The following UGT1A6 variants were observed in gnomAD, a reference collection of about 807,000 sequenced individuals.
UGT1A6 encodes the protein UDP glucuronosyltransferase family 1 member A6, also known as UDP-glucuronosyltransferase 1A6.
UGT1A6 carries 32 observed loss-of-function variants against 44.4 expected under a neutral mutation model. The ratio of observed to expected loss-of-function variants is 0.72; its 90% CI spans 0.54 to 0.97. The LOEUF (loss-of-function observed/expected upper bound fraction) is 0.97, where lower values mean the gene tolerates loss of function less well. UGT1A6 is among the 50% of genes least tolerant of loss of function. The pLI is 0.00. For missense variants in UGT1A6, 685 were observed against 661.9 expected (o/e 1.03, Z -0.38); for synonymous variants, 238 against 248.5 (o/e 0.96, Z 0.40).
chr2:233,748,006 A>T, intron 1 of UGT1A6: 1 of 1,613,448 alleles, frequency 6.2e-7, no homozygotes, highest in African/African-American at 1.3e-5. Context: ...GTGATGGATT[A>T]CCCCAGGCCG....
intron 1 of UGT1A6, chr2:233,742,068 T>A (rs185159129): frequency 2.0e-5 from 3 of 151,914 alleles, no homozygotes; most frequent in African/African-American, 7.3e-5. Context: ...TGTGGCCTTA[T>A]GGAGATCCTT....
intron 1 of UGT1A6, among the ~76,000 whole-genome samples, chr2:233,732,105 A>G (rs1386469627): frequency 6.6e-6 from 1 of 151,602 alleles, no homozygotes; most frequent in Admixed American, 6.6e-5. Flanking sequence ...GTCTGTTCAT[A>G]TCCTTTGCCC....
rs1162609742 is a variant in UGT1A6 at position 233,768,299 on chromosome 2, G to A, written c.1161G>A (p.Met387Ile). ...AAAGCATATGCAATGGCGTTCCCAT[G>A]GTGATGATGCCCTTGTTTGGTGATC... ...VYESICNGVP[M>I]VMMPLFGDQM... Residue 387 changes from methionine to isoleucine, a missense_variant, in exon 4 of 5, where the codon ATG becomes ATA. Coordinates refer to ENST00000305139, the MANE Select transcript of UGT1A6 (RefSeq NM_001072.4). The A allele has an allele frequency of 2.5e-6, 4 of 1,614,176 alleles. No individual in the cohort carries two copies. The highest frequency in any genetic ancestry group is 2.7e-5 in the African/African-American group (2 of 75,038).
chr2:233,693,748 G>A lies in UGT1A6; in HGVS notation c.744G>A (p.Gln248=). 2 of 1,614,248 alleles carry A rather than the reference G, an allele frequency of 1.2e-6. No individual in the cohort carries two copies. The highest frequency in any genetic ancestry group is 1.7e-6 in the Non-Finnish European group (2 of 1,180,050). ...KRDVDIITLY[Q]KVSVWLLRYD... is the part of the protein sequence containing the mutation. ...ATGTGGATATAATCACCTTATATCA[G>A]AAGGTCTCTGTTTGGCTGTTAAGAT... Residue 248 remains glutamine, a synonymous_variant, in exon 1 of 5, where the codon CAG becomes CAA. Coordinates refer to ENST00000305139, the MANE Select transcript of UGT1A6 (RefSeq NM_001072.4).
chr2:233,714,253 G>C (rs925570121), intron 1 of UGT1A6, among the ~76,000 whole-genome samples: 4 of 152,190 alleles, frequency 2.6e-5, no homozygotes, highest in African/African-American at 9.7e-5. Flanking sequence ...GGAAGGAATA[G>C]AAATTTACAA....
intron 1 of UGT1A6, among the ~76,000 whole-genome samples, chr2:233,714,930 G>A (rs1185708526): frequency 6.6e-6 from 1 of 152,040 alleles, no homozygotes; most frequent in Non-Finnish European, 1.5e-5. Flanking sequence ...AGTCTGGAGT[G>A]CAGTGGTGGG....
intron 1 of UGT1A6, among the ~76,000 whole-genome samples, chr2:233,745,958 CA>C (rs1693266177): frequency 6.6e-6 from 1 of 151,586 alleles, no homozygotes; most frequent in African/African-American, 2.4e-5. Context: ...AACTGGGGGA[CA>C]GGGGCCCTGA....
intron 1 of UGT1A6, chr2:233,760,833 G>A (rs777115864): frequency 5.0e-6 from 8 of 1,613,598 alleles, no homozygotes; most frequent in Admixed American, 1.7e-5. Flanking sequence ...TGGAATTTGA[G>A]GCTACCCAGT....
At position 233,772,473 on chromosome 2, in the gene UGT1A6, A is replaced by G. The variant is rs1575871447; in HGVS notation, c.1513A>G (p.Thr505Ala). ...CGTCGTGCTGACAGTGGCCTTCATC[A>G]CCTTTAAATGTTGTGCTTATGGCTA... ...LAVVLTVAFITFKCCAYGYRK... is the reference protein window; with the variant it reads ...LAVVLTVAFIAFKCCAYGYRK... The change falls in exon 5 of 5, where the codon ACC (threonine) becomes GCC (alanine). Residue 505 changes from threonine to alanine, a missense_variant. Coordinates refer to ENST00000305139, the MANE Select transcript of UGT1A6 (RefSeq NM_001072.4). 1.2e-6 allele frequency: 2 copies of G among 1,614,044 alleles called. No homozygotes were observed. The highest frequency in any genetic ancestry group is 1.7e-6 in the Non-Finnish European group (2 of 1,180,014).
chr2:233,769,852 T>G lies in UGT1A6; in HGVS notation c.1301+1413T>G. On this transcript the variant is annotated intron_variant, in intron 4 of 4. Transcript: ENST00000305139. The surrounding 1 kb of genome is among the most constrained non-coding windows in gnomAD (Gnocchi z 4.4). ...CAACCTGGGCAACAGAGTGAGACCC[T>G]GTCTCAAAAAAAAAAAAAAAAATGA... 1.1e-5 allele frequency: 5 copies of G among 461,196 alleles called. No homozygotes were observed. Among genetic ancestry groups the G allele is most frequent in the Non-Finnish European group, 1.0e-5 (3 of 289,680 alleles). 28.6% of individuals were successfully genotyped at this position (461,196 alleles called of 1,614,324 possible).
chr2:233,702,774 C>T (rs908895001), intron 1 of UGT1A6, among the ~76,000 whole-genome samples: 2 of 152,132 alleles, frequency 1.3e-5, no homozygotes, highest in East Asian at 3.8e-4. Context: ...AATTGATTTG[C>T]AGGTGTAAAC....
rs367682058 is a variant in UGT1A6, at chr2:233,743,655, C to T, written c.862-23379C>T. The T allele has an allele frequency of 6.6e-6, 9 of 1,367,176 alleles. No homozygotes were observed. In the East Asian group the frequency reaches 3.2e-4, roughly 48 times the overall value. The allele number at this position is 1,367,176 out of a possible 1,614,324, so 84.7% of individuals were successfully genotyped here. ...GGGTCGCGGAAGCTGAAGACGTACT[C>T]GAAGGGGTCCTCGAAGGGCCTGCCG... On this transcript the variant is annotated intron_variant, in intron 1 of 4. Coordinates refer to ENST00000305139, the MANE Select transcript of UGT1A6 (RefSeq NM_001072.4).
chr2:233,765,587 C>T (rs1353703058), intron 1 of UGT1A6, among the ~76,000 whole-genome samples: 1 of 151,970 alleles, frequency 6.6e-6, no homozygotes, highest in East Asian at 1.9e-4. Context: ...AGGGGAACAA[C>T]ACACACCAGG....
intron 1 of UGT1A6, among the ~76,000 whole-genome samples, chr2:233,765,157 C>T (rs1698767071): frequency 6.6e-6 from 1 of 152,114 alleles, no homozygotes; most frequent in African/African-American, 2.4e-5. Context: ...CTAGGGAACC[C>T]CTCAGTTTGG....
At chr2:233,720,428 A>G (rs1040145834) in intron 1 of UGT1A6, among the ~76,000 whole-genome samples, 1 of 152,036 alleles carries the variant, frequency 6.6e-6, no homozygotes, top group African/African-American at 2.4e-5. Flanking sequence ...AGGAGATAAG[A>G]CCGTGAATCT....
chr2:233,729,479 A>G, intron 1 of UGT1A6: 2 of 1,614,240 alleles, frequency 1.2e-6, no homozygotes, highest in Non-Finnish European at 1.7e-6. Context: ...GCAATGTTGA[A>G]CAATATGTCT....
intron 1 of UGT1A6, among the ~76,000 whole-genome samples, chr2:233,726,716 T>C (rs546308876): frequency 1.3e-5 from 2 of 152,344 alleles, no homozygotes; most frequent in East Asian, 3.9e-4. Flanking sequence ...TTTGAGGAAG[T>C]ACAATGTAGA....
chr2:233,738,615 C>T lies in UGT1A6; in HGVS notation c.862-28419C>T, dbSNP rs190192640. 3.7e-3 allele frequency among the ~76,000 whole-genome samples: 556 copies of T among 152,294 alleles called. 1 individual carries two copies. Among genetic ancestry groups the T allele is most frequent in the Admixed American group, 7.3e-3 (112 of 15,298 alleles). ...CTTGCTAAGCTTTAGCAAAGAAACT[C>T]GTGGCATTTTTGCCCCTGCCCTAGA... is the stretch of plus-strand genomic sequence containing the variant. On this transcript the variant is annotated intron_variant, in intron 1 of 4. Coordinates refer to ENST00000305139, the MANE Select transcript of UGT1A6 (RefSeq NM_001072.4).
intron 1 of UGT1A6, among the ~76,000 whole-genome samples, chr2:233,757,560 A>ATATATATATATATATACATATATATATG (rs904896556): frequency 8.1e-6 from 1 of 123,146 alleles, no homozygotes; most frequent in African/African-American, 3.4e-5. Context: ...ATATATATAT[A>ATATATATATATATATACATATATATATG]TGTATATATG....
Sources: allele counts gnomAD v4.1 joint callset (sites outside exome capture counted in the v4.1 genomes callset), GRCh38; gene constraint gnomAD v4.1.1; non-coding constraint Gnocchi (gnomAD v3.1); transcripts MANE v1.5; gene names NCBI Gene and HGNC (gene_info 2026-07-23, HGNC 2026-07-21).